CHD4: variants seen among roughly 807,000 people sequenced by gnomAD.
The protein encoded by CHD4 is ATP-dependent chromatin remodeler CHD4.
CHD4 carries 35 observed loss-of-function variants against 235.5 expected under a neutral mutation model. The observed-to-expected ratio is 0.15, with a 90% CI of 0.11 to 0.20. The LOEUF (loss-of-function observed/expected upper bound fraction) is 0.20, where lower values mean the gene tolerates loss of function less well. CHD4 is among the 10% of genes least tolerant of loss of function. The pLI is 1.00. For synonymous variants in CHD4, 900 were observed against 850.2 expected (o/e 1.06, Z -1.02); for missense variants, 1,329 against 2,432.3 (o/e 0.55, Z 9.54).
In CHD4 at chr12:6,600,236, T is replaced by C; in HGVS notation, c.1223A>G (p.Lys408Arg). 6.2e-7 allele frequency: 1 copy of C among 1,614,138 alleles called. No homozygotes were observed. Among genetic ancestry groups the C allele is most frequent in the Non-Finnish European group, 8.5e-7 (1 of 1,180,004 alleles). The change falls in exon 9 of 40, where the codon AAG becomes AGG. Residue 408 changes from lysine (K) to arginine (R), a missense_variant. This residue lies in a region of CHD4 where 37 missense variants were observed against 49.9 expected (regional missense o/e 0.74). Transcript: ENST00000544040. ...ACTCACGCAGTGTGGGCAGCTCCAC[T>C]TGCCCTCGGGAGCCTTCTCCATGTC... Reference protein sequence around the residue: ...DPDMEKAPEGKWSCPHCEKEG... With the variant: ...DPDMEKAPEGRWSCPHCEKEG...
Position 6,570,631 on chromosome 12 carries a change from A to G in CHD4, c.*45T>C. 6.2e-7 allele frequency: 1 copy of G among 1,613,478 alleles called. No individual in the cohort carries two copies. The highest frequency in any genetic ancestry group is 1.1e-5 in the South Asian group (1 of 91,062). On this transcript the variant is annotated 3_prime_UTR_variant, in exon 40 of 40. Transcript: ENST00000544040. ...GGAGAAGCTGGGACAAGAGAAAGTG[A>G]GGAAGGTCACTGCTCAGCGGTGGAG...
intron 33 of CHD4, chr12:6,579,306 C>G (rs999878508): frequency 1.1e-5 from 3 of 263,012 alleles, no homozygotes; most frequent in Non-Finnish European, 2.2e-5. Context: ...AAAAATTAGC[C>G]AGGCGTGGTG....
Position 6,578,422 on chromosome 12 carries a change from A to C in CHD4, c.5106T>G (p.Asp1702Glu), listed in dbSNP as rs1297741330. The change falls in exon 35 of 40, where the codon GAT becomes GAG. Residue 1702 changes from aspartate to glutamate, a missense_variant. Around this residue, in one of 26 missense-constraint regions of CHD4, gnomAD observed 135 missense variants for 282.3 expected, o/e 0.48. Transcript: ENST00000544040. ...IKQRFMFNIADGGFTELHSLW... is the reference protein window; with the variant it reads ...IKQRFMFNIAEGGFTELHSLW... Reference sequence around the variant, plus strand: ...TCATTTCCATACCAGTAAAACCACCATCTGCAATGTTAAACATGAAACGTT... The same window carrying C: ...TCATTTCCATACCAGTAAAACCACCCTCTGCAATGTTAAACATGAAACGTT... The C allele has an allele frequency of 6.2e-7, 1 of 1,613,648 alleles. No homozygotes were observed. Among genetic ancestry groups the C allele is most frequent in the South Asian group, 1.1e-5 (1 of 90,950 alleles).
chr12:6,604,640 G>A (rs1052544893), intron 2 of CHD4, among the ~76,000 whole-genome samples: 2 of 151,936 alleles, frequency 1.3e-5, no homozygotes, highest in Admixed American at 6.6e-5. Flanking sequence ...AACCCATGGA[G>A]GCAAAGGGGA....
Position 6,593,137 on chromosome 12 carries a change from C to T in CHD4, c.2606G>A (p.Cys869Tyr). The change falls in exon 17 of 40, where the codon TGC becomes TAC. Residue 869 changes from cysteine to tyrosine, a missense_variant. Coordinates refer to ENST00000544040, the MANE Select transcript of CHD4 (RefSeq NM_001273.5). The surrounding 1 kb of genome is among the most constrained non-coding windows in gnomAD (Gnocchi z 4.9). ...MAILGSIDWA[C>Y]LIVDEAHRLK... is the part of the protein sequence containing the mutation. The stretch of plus-strand genomic sequence containing the variant: ...CCGATGGGCTTCATCCACGATGAGG[C>T]AGGCCCAATCAATAGAGCCCAAAAT... 6.2e-7 allele frequency: 1 copy of T among 1,614,176 alleles called. No individual in the cohort carries two copies. Among genetic ancestry groups the T allele is most frequent in the Non-Finnish European group, 8.5e-7 (1 of 1,180,036 alleles).
intron 38 of CHD4, 77 bp from the exon 39 acceptor site, chr12:6,571,109 C>T (rs551435783): frequency 6.6e-7 from 1 of 1,525,896 alleles, no homozygotes; most frequent in African/African-American, 1.4e-5. Flanking sequence ...ACCAGCCCCC[C>T]ATCACTTCTC....
chr12:6,573,448 C>G (rs1014727743), intron 37 of CHD4, 179 bp from the exon 38 acceptor site: 7 of 422,328 alleles, frequency 1.7e-5, no homozygotes, highest in Non-Finnish European at 2.4e-5. Flanking sequence ...TTTTTTCTTT[C>G]CCTTTTTCAA....
rs891931719 is a variant in CHD4, at chr12:6,595,046, C to T, written c.2121+288G>A. On this transcript the variant is annotated intron_variant, in intron 14 of 39. Transcript: ENST00000544040. ...ACTGAGCCTGAATTAAGCCAGATTC[C>T]TATGTAAGTGCATAAAAGCTAGGCT... Among the ~76,000 whole-genome samples the T allele has an allele frequency of 2.6e-5, 4 of 152,236 alleles. No individual in the cohort carries two copies. The East Asian group carries it at 7.7e-4, about 29-fold the overall frequency.
At chr12:6,603,186 GC>G (rs1284838657) in intron 2 of CHD4, 2 of 152,062 alleles carry the variant, frequency 1.3e-5, no homozygotes, top group Non-Finnish European at 1.5e-5. Context: ...CCCTACACCC[GC>G]CCCCCAGCAA....
intron 29 of CHD4, 115 bp downstream of exon 29, chr12:6,582,500 C>T: frequency 2.0e-6 from 3 of 1,465,934 alleles, no homozygotes; most frequent in Non-Finnish European, 2.8e-6. Context: ...CACCTGCCAA[C>T]TTCAACAGAG....
At chr12:6,606,247 G>C in intron 2 of CHD4, 27 bp downstream of exon 2, 1 of 1,462,200 alleles carries the variant, frequency 6.8e-7, no homozygotes, top group Non-Finnish European at 9.5e-7. Flanking sequence ...TCTCCTTCCC[G>C]CCATGGGCCC....
chr12:6,585,682 G>A (rs945937278), intron 25 of CHD4, among the ~76,000 whole-genome samples: 6 of 151,330 alleles, frequency 4.0e-5, no homozygotes, highest in African/African-American at 9.7e-5. Flanking sequence ...CCAGCTATTC[G>A]GGAGGCTGAG....
chr12:6,606,253 G>C, intron 2 of CHD4, 21 bp downstream of exon 2: 3 of 1,498,744 alleles, frequency 2.0e-6, no homozygotes, highest in Non-Finnish European at 2.8e-6. Flanking sequence ...TCCCGCCATG[G>C]GCCCTTGGGG....
chr12:6,589,352 G>A (rs1010725197), intron 22 of CHD4, among the ~76,000 whole-genome samples: 2 of 152,134 alleles, frequency 1.3e-5, no homozygotes, highest in African/African-American at 4.8e-5. Flanking sequence ...CAATCACAAT[G>A]GGAACAATAG....
chr12:6,600,644 T>G lies in CHD4; in HGVS notation c.953A>C (p.Glu318Ala). Residue 318 changes from glutamate (E) to alanine (A), a missense_variant, in exon 8 of 40, where the codon GAA becomes GCA. This residue lies in a region of CHD4 where 160 missense variants were observed against 196.6 expected (regional missense o/e 0.81). Transcript: ENST00000544040. ...GATACTGGCATCATCGAAGTCAGAT[T>G]CCACATCTAAGTCATCATCCTCACT... Reference protein sequence around the residue: ...SSSEDDDLDVESDFDDASINS... With the variant: ...SSSEDDDLDVASDFDDASINS... 6.2e-7 allele frequency: 1 copy of G among 1,614,148 alleles called. No individual in the cohort carries two copies. Among genetic ancestry groups the G allele is most frequent in the Non-Finnish European group, 8.5e-7 (1 of 1,180,032 alleles).
At chr12:6,595,891 G>A (rs1948484911) in intron 13 of CHD4, 115 bp downstream of exon 13, 22 of 1,177,808 alleles carry the variant, frequency 1.9e-5, no homozygotes, top group African/African-American at 3.1e-5. Flanking sequence ...CAGGAAGTCG[G>A]AGGTTGCAGT....
At chr12:6,594,246 C>A (rs1011602389) in intron 15 of CHD4, among the ~76,000 whole-genome samples, 3 of 152,154 alleles carry the variant, frequency 2.0e-5, no homozygotes, top group Admixed American at 2.0e-4. Context: ...GGCTCCATGC[C>A]CTCAAATCTT....
rs368003608 is a variant in CHD4, at chr12:6,594,588, G to A, written c.2184C>T (p.Pro728=). Residue 728 remains proline (P), a synonymous_variant, in exon 15 of 40, where the codon CCC becomes CCT. Coordinates refer to ENST00000544040, the MANE Select transcript of CHD4 (RefSeq NM_001273.5). ...YLDATGGTLH[P]YQMEGLNWLR... ...ACCAATTCAGGCCCTCCATTTGATA[G>A]GGGTGCAGGGTTCCACCTGTAGCAT... is the stretch of plus-strand genomic sequence containing the variant. The A allele has an allele frequency of 2.5e-6, 4 of 1,614,044 alleles. No individual in the cohort carries two copies. In the African/African-American group the frequency reaches 4.0e-5, roughly 16 times the overall value.
intron 2 of CHD4, among the ~76,000 whole-genome samples, chr12:6,605,907 CA>C (rs1188980514): frequency 6.6e-6 from 1 of 152,190 alleles, no homozygotes; most frequent in Non-Finnish European, 1.5e-5. Context: ...GTCTTTCAAA[CA>C]GAATCCTCAA....
Sources: allele counts gnomAD v4.1 joint callset (sites outside exome capture counted in the v4.1 genomes callset), GRCh38; gene constraint gnomAD v4.1.1; regional missense constraint gnomAD v4.1.1; non-coding constraint Gnocchi (gnomAD v3.1); transcripts MANE v1.5; gene names NCBI Gene and HGNC (gene_info 2026-07-23, HGNC 2026-07-21).